EXT1: variants seen among roughly 807,000 people sequenced by gnomAD.
The protein encoded by EXT1 is exostosin glycosyltransferase 1, also known as exostosin-1.
Under a neutral mutation model 82.5 loss-of-function variants are expected in EXT1, and 20 were observed. The observed-to-expected ratio is 0.24, with a 90% CI of 0.17 to 0.35. The LOEUF (loss-of-function observed/expected upper bound fraction) is 0.35, where lower values mean the gene tolerates loss of function less well. EXT1 is among the 10% of genes least tolerant of loss of function. The pLI is 1.00. For synonymous variants in EXT1, 348 were observed against 350.8 expected (o/e 0.99, Z 0.09); for missense variants, 757 against 936.5 (o/e 0.81, Z 2.50).
At chr8:117,988,741 T>C (rs1332159883) in intron 1 of EXT1, among the ~76,000 whole-genome samples, 1 of 152,094 alleles carries the variant, frequency 6.6e-6, no homozygotes, top group African/African-American at 2.4e-5. Flanking sequence ...AAGGGGATAG[T>C]AGAGGCAATG....
intron 1 of EXT1, among the ~76,000 whole-genome samples, chr8:118,025,895 A>G (rs1031595612): frequency 6.6e-6 from 1 of 152,226 alleles, no homozygotes; most frequent in African/African-American, 2.4e-5. Flanking sequence ...ATGGGCTTCA[A>G]AAGTTTCTGA....
chr8:117,965,020 T>C (rs759711056), intron 1 of EXT1, among the ~76,000 whole-genome samples: 4 of 152,152 alleles, frequency 2.6e-5, no homozygotes, highest in Non-Finnish European at 5.9e-5. Context: ...TCAATAAATA[T>C]TTGTTGAAAA....
chr8:117,854,549 G>A (rs1812509702), intron 1 of EXT1, among the ~76,000 whole-genome samples: 1 of 152,078 alleles, frequency 6.6e-6, no homozygotes, highest in Admixed American at 6.6e-5. Flanking sequence ...AAAGAAAGCT[G>A]CTGGTAAGTG....
intron 3 of EXT1, 147 bp from the exon 4 acceptor site, chr8:117,830,496 T>C (rs1812081505): frequency 1.2e-6 from 1 of 858,106 alleles, no homozygotes. Flanking sequence ...AATTCCTAAG[T>C]TGAAATGACC....
chr8:117,858,766 A>AAGGAAGGAAGGAAGGCAGGC (rs1289892313), intron 1 of EXT1, among the ~76,000 whole-genome samples: 26 of 54,658 alleles, frequency 4.8e-4, no homozygotes, highest in African/African-American at 1.7e-3. Context: ...GGAAGGAAGG[A>AAGGAAGGAAGGAAGGCAGGC]AGGCAGGCAG....
intron 1 of EXT1, among the ~76,000 whole-genome samples, chr8:117,881,243 G>GT (rs1586261160): frequency 6.6e-6 from 1 of 152,206 alleles, no homozygotes; most frequent in East Asian, 1.9e-4. Flanking sequence ...AAATGTCACC[G>GT]TTTAATGGTT....
At chr8:117,813,006 G>T (rs762431734) in intron 7 of EXT1, 45 bp from the exon 8 acceptor site, 17 of 1,515,902 alleles carry the variant, frequency 1.1e-5, no homozygotes, top group Non-Finnish European at 1.5e-5. Flanking sequence ...ATGAGGGAAA[G>T]AGGTAACTTC....
intron 1 of EXT1, among the ~76,000 whole-genome samples, chr8:117,884,148 TTCTA>T (rs34517529): frequency 0.15 from 22,487 of 152,196 alleles, 1,756 homozygotes; most frequent in African/African-American, 0.2. Context: ...TGAAAATTCC[TTCTA>T]TCTGTTTAAG....
chr8:117,850,425 C>T (rs1812433524), intron 1 of EXT1, among the ~76,000 whole-genome samples: 1 of 152,130 alleles, frequency 6.6e-6, no homozygotes. Context: ...CCAGCAACGG[C>T]CAGTCGACCA....
intron 1 of EXT1, among the ~76,000 whole-genome samples, chr8:118,007,721 T>C (rs997167879): frequency 2.6e-5 from 4 of 152,132 alleles, no homozygotes; most frequent in Non-Finnish European, 5.9e-5. Context: ...CATCACCAGA[T>C]GAGAGAAATC....
In EXT1 at chr8:117,797,982, G is replaced by A. The variant is rs1253542400; in HGVS notation, c.*1730C>T. 6.6e-6 allele frequency: 1 copy of A among 152,226 alleles called. No homozygotes were observed. The highest frequency in any genetic ancestry group is 6.5e-5 in the Admixed American group (1 of 15,278). 9.4% of individuals were successfully genotyped at this position (152,226 alleles called of 1,614,324 possible). On this transcript the variant is annotated 3_prime_UTR_variant, in exon 11 of 11. Transcript: ENST00000378204. ...TGTGGGCTCTACTCCTTGTTCTGCA[G>A]CTAGGTAGCCTGTTGAGTCACTTCT... is the stretch of plus-strand genomic sequence containing the variant.
intron 1 of EXT1, among the ~76,000 whole-genome samples, chr8:118,013,366 G>A (rs1051280840): frequency 6.6e-6 from 1 of 152,048 alleles, no homozygotes; most frequent in South Asian, 2.1e-4. Flanking sequence ...CCGTCACTGC[G>A]CCCAACTAAT....
rs112740795 is a variant in EXT1, at chr8:118,037,787, T to C, written c.962+72298A>G. On this transcript the variant is annotated intron_variant, in intron 1 of 10. Transcript: ENST00000378204. ...TTCCAGCCTTTTCACTTTCCTCCTG[T>C]AAAGTTTTTAATTCTAGATCTTTCT... Among the ~76,000 whole-genome samples, 57 of 152,044 alleles carry C rather than the reference T, an allele frequency of 3.7e-4. 1 individual carries two copies. The highest frequency in any genetic ancestry group is 2.3e-3 in the South Asian group (11 of 4,810).
intron 1 of EXT1, among the ~76,000 whole-genome samples, chr8:118,088,310 T>A (rs1475592928): frequency 6.6e-6 from 1 of 152,154 alleles, no homozygotes; most frequent in East Asian, 1.9e-4. Flanking sequence ...AACTCTTCTT[T>A]ATGAAATCGG....
chr8:117,951,856 G>C (rs1402305671), intron 1 of EXT1, among the ~76,000 whole-genome samples: 1 of 152,176 alleles, frequency 6.6e-6, no homozygotes, highest in East Asian at 1.9e-4. Context: ...AGAATAATAT[G>C]TGAAATTCAA....
intron 1 of EXT1, among the ~76,000 whole-genome samples, chr8:117,994,553 A>G (rs1418278717): frequency 6.6e-5 from 10 of 152,140 alleles, no homozygotes; most frequent in Admixed American, 6.6e-4. Context: ...TGAGACTGCA[A>G]TGAGCCATGA....
At chr8:117,909,788 G>A (rs1813611315) in intron 1 of EXT1, among the ~76,000 whole-genome samples, 1 of 151,824 alleles carries the variant, frequency 6.6e-6, no homozygotes, top group South Asian at 2.1e-4. Flanking sequence ...TTATTTTTTA[G>A]ATGGAGTCTC....
chr8:117,965,383 G>A (rs560931219), intron 1 of EXT1, among the ~76,000 whole-genome samples: 30 of 152,080 alleles, frequency 2.0e-4, no homozygotes, highest in African/African-American at 7.2e-4. Flanking sequence ...CCGCTAGTTG[G>A]AATATTCCCT....
chr8:117,927,985 G>A (rs903275571), intron 1 of EXT1, among the ~76,000 whole-genome samples: 1 of 152,230 alleles, frequency 6.6e-6, no homozygotes, highest in South Asian at 2.1e-4. Context: ...AACCTTGGAG[G>A]CAGAATAGTG....
Sources: allele counts gnomAD v4.1 joint callset (sites outside exome capture counted in the v4.1 genomes callset), GRCh38; gene constraint gnomAD v4.1.1; transcripts MANE v1.5; gene names NCBI Gene and HGNC (gene_info 2026-07-23, HGNC 2026-07-21).